Variants in EXOC2 observed in about 807,000 individuals in gnomAD.
EXOC2 encodes the protein exocyst complex component 2, also known as SEC5-like 1.
A neutral mutation model predicts 131.8 loss-of-function variants in EXOC2; 70 were observed. The observed-to-expected ratio is 0.53, with a 90% CI of 0.44 to 0.65. EXOC2 has a LOEUF of 0.65. EXOC2 is among the 30% of genes least tolerant of loss of function. The pLI, the probability that EXOC2 is intolerant of heterozygous loss-of-function variation, is 0.00. For missense variants in EXOC2, 923 were observed against 1,108.6 expected (o/e 0.83, Z 2.38); for synonymous variants, 411 against 398.4 (o/e 1.03, Z -0.38).
chr6:493,528 T>C (rs1763553722), intron 25 of EXOC2, among the ~76,000 whole-genome samples: 1 of 152,236 alleles, frequency 6.6e-6, no homozygotes, highest in South Asian at 2.1e-4. Flanking sequence ...ATAAAAACTG[T>C]GGTTAGCTAT....
chr6:518,921 A>G (rs1438227840), intron 23 of EXOC2, among the ~76,000 whole-genome samples: 1 of 152,240 alleles, frequency 6.6e-6, no homozygotes, highest in African/African-American at 2.4e-5. Flanking sequence ...CAGTAAAGAA[A>G]AAAAGATTAT....
At chr6:522,981 G>C (rs576865130) in intron 23 of EXOC2, among the ~76,000 whole-genome samples, 5 of 152,228 alleles carry the variant, frequency 3.3e-5, no homozygotes, top group African/African-American at 7.2e-5. Context: ...AAATGGCTGT[G>C]AGGAAAGAAG....
intron 23 of EXOC2, among the ~76,000 whole-genome samples, chr6:518,870 T>C (rs1765306934): frequency 6.6e-6 from 1 of 152,200 alleles, no homozygotes; most frequent in Admixed American, 6.5e-5. Flanking sequence ...GTAAATGTAA[T>C]TCAGAATAGT....
intron 6 of EXOC2, among the ~76,000 whole-genome samples, chr6:614,926 A>G (rs1760904969): frequency 8.4e-6 from 1 of 119,734 alleles, no homozygotes; most frequent in South Asian, 3.2e-4. Flanking sequence ...TTTACTAAAA[A>G]CTACTAAGGA....
At chr6:508,849 C>T (rs1369044141) in intron 23 of EXOC2, among the ~76,000 whole-genome samples, 3 of 152,218 alleles carry the variant, frequency 2.0e-5, no homozygotes, top group Non-Finnish European at 4.4e-5. Flanking sequence ...AAGAGGCTGC[C>T]AAACTGTCTT....
intron 2 of EXOC2, among the ~76,000 whole-genome samples, chr6:633,433 G>A (rs1761951680): frequency 6.6e-6 from 1 of 152,136 alleles, no homozygotes; most frequent in African/African-American, 2.4e-5. Context: ...GCTTTCAGAG[G>A]TAATAAAAGG....
At chr6:589,181 AC>A (rs1477653235) in intron 11 of EXOC2, among the ~76,000 whole-genome samples, 1 of 152,166 alleles carries the variant, frequency 6.6e-6, no homozygotes, top group East Asian at 1.9e-4. Context: ...ATTCATCACC[AC>A]CTTTGCTGGA....
intron 23 of EXOC2, among the ~76,000 whole-genome samples, chr6:500,474 G>A (rs1172013932): frequency 6.6e-6 from 1 of 152,190 alleles, no homozygotes; most frequent in African/African-American, 2.4e-5. Context: ...TGGCAAGAAG[G>A]CTGTGAGCCT....
chr6:531,785 A>G (rs1245441677), intron 23 of EXOC2, among the ~76,000 whole-genome samples: 1 of 152,214 alleles, frequency 6.6e-6, no homozygotes, highest in Non-Finnish European at 1.5e-5. Context: ...TACATAAACT[A>G]CTTCTCTACA....
chr6:678,230 C>T (rs993157785), intron 1 of EXOC2, among the ~76,000 whole-genome samples: 1 of 152,160 alleles, frequency 6.6e-6, no homozygotes, highest in African/African-American at 2.4e-5. Flanking sequence ...AGACACTTAA[C>T]CAAGAGTCAG....
At chr6:599,012 CATCTTAAAAA>C in intron 8 of EXOC2, 58 bp downstream of exon 8, 1 of 1,541,892 alleles carries the variant, frequency 6.5e-7, no homozygotes, top group East Asian at 2.3e-5. Flanking sequence ...ATATAAAAAA[CATCTTAAAAA>C]ATCTTAAAAA....
At chr6:660,066 C>T (rs1310097572) in intron 1 of EXOC2, among the ~76,000 whole-genome samples, 31 of 151,872 alleles carry the variant, frequency 2.0e-4, no homozygotes, top group Admixed American at 2.0e-3. Flanking sequence ...CTGGGTGAGG[C>T]CTGTGACTGC....
rs927409265 is a variant in EXOC2 at position 638,865 on chromosome 6, G to A, written c.-43-1004C>T. 2.0e-5 allele frequency among the ~76,000 whole-genome samples: 3 copies of A among 152,142 alleles called. No homozygotes were observed. The East Asian group carries it at 5.8e-4, about 29-fold the overall frequency. ...AACTGCTTGAACCCAGGAGGCGGAG[G>A]TTGCAGTGAGCCGAGATTGCGCCAC... On this transcript the variant is annotated intron_variant, in intron 1 of 27. Transcript: ENST00000230449.
intron 6 of EXOC2, among the ~76,000 whole-genome samples, chr6:611,214 A>C (rs770074952): frequency 6.6e-6 from 1 of 152,160 alleles, no homozygotes; most frequent in Non-Finnish European, 1.5e-5. Flanking sequence ...TAGAAAGCTA[A>C]ACTGGAAAGA....
At chr6:492,311 G>T (rs532702877) in intron 25 of EXOC2, among the ~76,000 whole-genome samples, 1 of 152,194 alleles carries the variant, frequency 6.6e-6, no homozygotes, top group Non-Finnish European at 1.5e-5. Context: ...AAAATTGCTG[G>T]TAGGAATGTC....
intron 19 of EXOC2, 122 bp from the exon 20 acceptor site, chr6:555,410 T>C (rs1469540196): frequency 3.7e-6 from 2 of 533,538 alleles, no homozygotes; most frequent in Non-Finnish European, 6.5e-6. Flanking sequence ...GGTGTGGTGT[T>C]GTGTGCATGT....
At position 599,108 on chromosome 6, in the gene EXOC2, G is replaced by A; in HGVS notation, c.860C>T (p.Pro287Leu). 1 of 1,612,406 alleles carries A rather than the reference G, an allele frequency of 6.2e-7. No homozygotes were observed. Among genetic ancestry groups the A allele is most frequent in the Non-Finnish European group, 8.5e-7 (1 of 1,179,004 alleles). Residue 287 changes from proline (P) to leucine (L), a missense_variant, in exon 8 of 28, where the codon CCT becomes CTT. Pro to Leu is a moderately conservative substitution (Grantham distance 98). Coordinates refer to ENST00000230449, the MANE Select transcript of EXOC2 (RefSeq NM_018303.6). Reference sequence around the variant, plus strand: ...TTGAATATTCCTTTCAATATTTAGAGGAAGGTTGAAAAGAAACTTAAATCG... The same window carrying A: ...TTGAATATTCCTTTCAATATTTAGAAGAAGGTTGAAAAGAAACTTAAATCG... ...LQRFKFLFNL[P>L]LNIERNIQKG...
chr6:660,230 G>T (rs957792337), intron 1 of EXOC2, among the ~76,000 whole-genome samples: 9 of 139,208 alleles, frequency 6.5e-5, no homozygotes, highest in Admixed American at 6.0e-4. Context: ...GAAGACAAAG[G>T]ACATATAATC....
intron 7 of EXOC2, 108 bp downstream of exon 7, chr6:609,990 T>C: frequency 2.5e-6 from 2 of 804,876 alleles, no homozygotes; most frequent in Non-Finnish European, 4.0e-6. Flanking sequence ...TAGAAATAAA[T>C]AGTAAAATGC....
Sources: allele counts gnomAD v4.1 joint callset (sites outside exome capture counted in the v4.1 genomes callset), GRCh38; gene constraint gnomAD v4.1.1; transcripts MANE v1.5; gene names NCBI Gene and HGNC (gene_info 2026-07-23, HGNC 2026-07-21).